Variants in RASGRF2 observed in about 807,000 individuals in gnomAD.
RASGRF2 encodes ras-specific guanine nucleotide-releasing factor 2.
A neutral mutation model predicts 151.0 loss-of-function variants in RASGRF2; 76 were observed. The ratio of observed to expected loss-of-function variants is 0.50; its 90% CI spans 0.42 to 0.61. The LOEUF (loss-of-function observed/expected upper bound fraction) is 0.61, where lower values mean the gene tolerates loss of function less well. RASGRF2 is among the 20% of genes least tolerant of loss of function. The probability of loss-of-function intolerance (pLI) is 0.00; values close to 1 mark genes in which losing one functional copy is unlikely to be tolerated. For missense variants in RASGRF2, 1,148 were observed against 1,564.6 expected (o/e 0.73, Z 4.49); for synonymous variants, 504 against 566.5 (o/e 0.89, Z 1.57).
chr5:81,090,202 C>T (rs556003632), intron 9 of RASGRF2, among the ~76,000 whole-genome samples: 112 of 152,230 alleles, frequency 7.4e-4, no homozygotes, highest in South Asian at 1.7e-3. Context: ...AATGCCTAAC[C>T]CAATAAGCTG....
intron 26 of RASGRF2, among the ~76,000 whole-genome samples, chr5:81,221,988 C>T (rs1755866424): frequency 6.6e-6 from 1 of 152,176 alleles, no homozygotes; most frequent in Non-Finnish European, 1.5e-5. Flanking sequence ...AACACGCTGA[C>T]TCTGGAGGGG....
At chr5:81,112,464 A>G in intron 13 of RASGRF2, 146 bp from the exon 14 acceptor site, 4 of 1,063,348 alleles carry the variant, frequency 3.8e-6, no homozygotes, top group Non-Finnish European at 5.4e-6. Context: ...AAGAATACTG[A>G]GGGACAACTG....
intron 1 of RASGRF2, among the ~76,000 whole-genome samples, chr5:80,983,731 A>G (rs1748386987): frequency 6.6e-6 from 1 of 152,222 alleles, no homozygotes; most frequent in African/African-American, 2.4e-5. Context: ...TGCTTTGTGT[A>G]TACTTACACA....
At chr5:81,068,401 T>C (rs2112453275) in intron 3 of RASGRF2, among the ~76,000 whole-genome samples, 1 of 152,194 alleles carries the variant, frequency 6.6e-6, no homozygotes, top group Non-Finnish European at 1.5e-5. Context: ...TTTTTTTTTT[T>C]TTTTTGGTGG....
At chr5:81,049,921 C>T (rs1357893090) in intron 2 of RASGRF2, among the ~76,000 whole-genome samples, 3 of 152,170 alleles carry the variant, frequency 2.0e-5, no homozygotes, top group Non-Finnish European at 2.9e-5. Context: ...TATCATCTCT[C>T]CCTGGGTGCT....
At chr5:80,990,658 C>T (rs1748621294) in intron 1 of RASGRF2, among the ~76,000 whole-genome samples, 1 of 152,136 alleles carries the variant, frequency 6.6e-6, no homozygotes, top group Admixed American at 6.5e-5. Context: ...TGGTGTTGTC[C>T]TTTTGTACTT....
intron 9 of RASGRF2, chr5:81,088,426 A>G (rs1488300344): frequency 3.3e-5 from 5 of 152,130 alleles, no homozygotes. Context: ...TCTTGCTTGT[A>G]TACCTCTCTC....
intron 15 of RASGRF2, among the ~76,000 whole-genome samples, chr5:81,123,385 A>T (rs1027885339): frequency 6.6e-6 from 1 of 152,156 alleles, no homozygotes; most frequent in South Asian, 2.1e-4. Context: ...GTTTACTTTA[A>T]CATCTGCTGC....
intron 1 of RASGRF2, 117 bp from the exon 2 acceptor site, chr5:81,042,760 T>C: frequency 1.5e-6 from 1 of 683,690 alleles, no homozygotes; most frequent in Non-Finnish European, 2.5e-6. Context: ...GAAATAAAAT[T>C]TGCATAAGCA....
intron 1 of RASGRF2, among the ~76,000 whole-genome samples, chr5:80,988,702 A>T (rs1210191430): frequency 6.6e-6 from 1 of 152,208 alleles, no homozygotes; most frequent in African/African-American, 2.4e-5. Flanking sequence ...GAGTTGAGTC[A>T]GGGATAATGT....
intron 2 of RASGRF2, among the ~76,000 whole-genome samples, chr5:81,048,475 A>T (rs924485319): frequency 6.6e-6 from 1 of 152,186 alleles, no homozygotes; most frequent in Admixed American, 6.5e-5. Flanking sequence ...CTATAGGGAA[A>T]AGTCGGGCTT....
At chr5:81,005,720 G>A (rs1470375064) in intron 1 of RASGRF2, among the ~76,000 whole-genome samples, 1 of 152,114 alleles carries the variant, frequency 6.6e-6, no homozygotes, top group Non-Finnish European at 1.5e-5. Context: ...ACATTTTTGA[G>A]TAGACATATA....
At chr5:81,139,757 T>TCACAAAAGGCGCCTATCAAAATAATCC in intron 17 of RASGRF2, among the ~76,000 whole-genome samples, 1 of 152,216 alleles carries the variant, frequency 6.6e-6, no homozygotes, top group South Asian at 2.1e-4. Context: ...TACAATCAGC[T>TCACAAAAGGCGCCTATCAAAATAATCC]CACAAAAGGC....
chr5:81,019,165 A>G (rs1561557558), intron 1 of RASGRF2, among the ~76,000 whole-genome samples: 1 of 140,632 alleles, frequency 7.1e-6, no homozygotes, highest in Non-Finnish European at 1.6e-5. Flanking sequence ...ATGGCTGCCC[A>G]CAGGATGTCA....
chr5:80,993,532 T>C (rs1045674877), intron 1 of RASGRF2, among the ~76,000 whole-genome samples: 2 of 152,154 alleles, frequency 1.3e-5, no homozygotes, highest in Middle Eastern at 3.2e-3. Flanking sequence ...GCCAGGATCT[T>C]GGCAAGAAAG....
intron 12 of RASGRF2, among the ~76,000 whole-genome samples, chr5:81,104,337 A>G (rs879912796): frequency 4.6e-5 from 7 of 152,086 alleles, no homozygotes; most frequent in Non-Finnish European, 8.8e-5. Context: ...TTTTGCCTGT[A>G]TCTCTTAAAT....
At chr5:81,084,345 C>T (rs900092843) in intron 7 of RASGRF2, among the ~76,000 whole-genome samples, 7 of 152,046 alleles carry the variant, frequency 4.6e-5, no homozygotes, top group African/African-American at 1.2e-4. Flanking sequence ...ATTATGCCAG[C>T]GAAAAAGATA....
At chr5:80,965,139 T>C (rs1448147400) in intron 1 of RASGRF2, among the ~76,000 whole-genome samples, 2 of 152,124 alleles carry the variant, frequency 1.3e-5, no homozygotes, top group Non-Finnish European at 2.9e-5. Flanking sequence ...GTCACTTCAT[T>C]ACTAGTCATT....
At chr5:81,010,143 G>T in intron 1 of RASGRF2, among the ~76,000 whole-genome samples, 1 of 141,090 alleles carries the variant, frequency 7.1e-6, no homozygotes, top group African/African-American at 2.8e-5. Flanking sequence ...GACAGAGTGA[G>T]ATTTCATCTC....
Sources: allele counts gnomAD v4.1 joint callset (sites outside exome capture counted in the v4.1 genomes callset), GRCh38; gene constraint gnomAD v4.1.1; transcripts MANE v1.5; gene names NCBI Gene and HGNC (gene_info 2026-07-23, HGNC 2026-07-21).